SLC6A20: variants seen among roughly 807,000 people sequenced by gnomAD.
SLC6A20 encodes solute carrier family 6 member 20, also known as sodium- and chloride-dependent transporter XTRP3.
In SLC6A20, 73 loss-of-function variants were observed where a neutral mutation model predicts 64.3. The observed-to-expected ratio is 1.14, with a 90% confidence interval of 0.94 to 1.38. The LOEUF (loss-of-function observed/expected upper bound fraction) is 1.38, where lower values mean the gene tolerates loss of function less well. Among genes scored for constraint, SLC6A20 ranks in the 40% most tolerant of loss-of-function variants. The pLI is 0.00. For synonymous variants in SLC6A20, 347 were observed against 329.6 expected (o/e 1.05, Z -0.57); for missense variants, 725 against 772.8 (o/e 0.94, Z 0.73).
chr3:45,785,907 G>A (rs1046181988), intron 1 of SLC6A20, among the ~76,000 whole-genome samples: 4 of 152,096 alleles, frequency 2.6e-5, no homozygotes, highest in Admixed American at 1.3e-4. Flanking sequence ...CTTGGAGTGT[G>A]CCTGAGACAG....
At position 45,759,900 on chromosome 3, in the gene SLC6A20, A is replaced by G; in HGVS notation, c.1586T>C (p.Ile529Thr). Residue 529 changes from isoleucine to threonine, a missense_variant, in exon 10 of 11, where the codon ATC becomes ACC. Coordinates refer to ENST00000358525, the MANE Select transcript of SLC6A20 (RefSeq NM_020208.4). Reference protein sequence around the residue: ...SLFVFYLSDYILTGTLKYQAW... With the variant: ...SLFVFYLSDYTLTGTLKYQAW... ...TTGATACTTCAGGGTCCCCGTGAGG[A>G]TGTAGTCGCTCAGGTAGAAGACAAA... is the stretch of plus-strand genomic sequence containing the variant. 6.2e-7 allele frequency: 1 copy of G among 1,614,138 alleles called. No individual in the cohort carries two copies. Among genetic ancestry groups the G allele is most frequent in the Non-Finnish European group, 8.5e-7 (1 of 1,180,016 alleles).
At position 45,776,776 on chromosome 3, in the gene SLC6A20, C is replaced by T. The variant is rs1699975607; in HGVS notation, c.355-788G>A. On this transcript the variant is annotated intron_variant, in intron 3 of 10. Transcript: ENST00000358525. Reference sequence around the variant, plus strand: ...AGTGAGAACAAGCAGAGGCTGTTTACTTAGGACTTGCTACAGCAAGGGCGA... The same window carrying T: ...AGTGAGAACAAGCAGAGGCTGTTTATTTAGGACTTGCTACAGCAAGGGCGA... 2.0e-5 allele frequency among the ~76,000 whole-genome samples: 3 copies of T among 152,234 alleles called. 1 individual carries two copies. Among genetic ancestry groups the T allele is most frequent in the South Asian group, 4.1e-4 (2 of 4,832 alleles).
intron 3 of SLC6A20, among the ~76,000 whole-genome samples, chr3:45,778,035 C>T (rs992090458): frequency 2.0e-5 from 3 of 152,246 alleles, no homozygotes; most frequent in African/African-American, 7.2e-5. Flanking sequence ...TATAGGAGAA[C>T]TTGTTAAATG....
At chr3:45,782,261 A>G (rs200437712) in intron 1 of SLC6A20, 38 bp from the exon 2 acceptor site, 106 of 1,587,866 alleles carry the variant, frequency 6.7e-5, no homozygotes, top group Non-Finnish European at 8.8e-5. Context: ...GCCACCACCA[A>G]AAGGCTTTTC....
chr3:45,760,043 GAA>G (rs755062049), intron 9 of SLC6A20, 21 bp from the exon 10 acceptor site: 16 of 1,601,042 alleles, frequency 1.0e-5, no homozygotes, highest in Admixed American at 1.7e-5. Flanking sequence ...AACAGGGAGA[GAA>G]AGTCTGGATT....
intron 10 of SLC6A20, 92 bp downstream of exon 10, chr3:45,759,765 T>C: frequency 7.0e-7 from 1 of 1,435,772 alleles, no homozygotes; most frequent in Non-Finnish European, 9.4e-7. Flanking sequence ...ACCCACACCA[T>C]GGAAATAGTC....
Position 45,780,021 on chromosome 3 carries a change from G to A in SLC6A20, c.342C>T (p.Phe114=). ...CCCCCCGGCTCACCTGGAAGGAGTGGAAGAGGTACCAGAAGGCCCAGGCGT... is the reference window on the plus strand; with the variant it reads ...CCCCCCGGCTCACCTGGAAGGAGTGAAAGAGGTACCAGAAGGCCCAGGCGT... ...VINAWAFWYL[F]HSFQDPLPWS... is the part of the protein sequence containing the mutation. The change falls in exon 3 of 11, where the codon TTC becomes TTT. Residue 114 remains phenylalanine, a synonymous_variant. Coordinates refer to ENST00000358525, the MANE Select transcript of SLC6A20 (RefSeq NM_020208.4). The A allele has an allele frequency of 1.2e-6, 2 of 1,603,150 alleles. No individual in the cohort carries two copies. The highest frequency in any genetic ancestry group is 2.2e-5 in the East Asian group (1 of 44,516).
At chr3:45,776,447 G>A (rs1285452334) in intron 3 of SLC6A20, among the ~76,000 whole-genome samples, 1 of 152,144 alleles carries the variant, frequency 6.6e-6, no homozygotes, top group Non-Finnish European at 1.5e-5. Context: ...ACCAACCAGA[G>A]AAAGTGACAG....
rs943787137 is a variant in SLC6A20 at position 45,796,230 on chromosome 3, C to T, written c.121+69G>A. 12 of 1,545,454 alleles carry T rather than the reference C, an allele frequency of 7.8e-6. No homozygotes were observed. In the African/African-American group the frequency reaches 8.3e-5, roughly 11 times the overall value. On this transcript the variant is annotated intron_variant, in intron 1 of 10. Coordinates refer to ENST00000358525, the MANE Select transcript of SLC6A20 (RefSeq NM_020208.4). ...GTGCCGTTCTGTAACTTGGGTCTAA[C>T]CCCGGCTCGCACACACGGCGGGGAC... is the stretch of plus-strand genomic sequence containing the variant.
At chr3:45,776,099 G>C (rs1699963051) in intron 3 of SLC6A20, 111 bp from the exon 4 acceptor site, 1 of 1,014,850 alleles carries the variant, frequency 9.9e-7, no homozygotes, top group Admixed American at 2.1e-5. Flanking sequence ...GAAGGGTGCT[G>C]GTCCCCGAAG....
At chr3:45,782,939 T>C (rs1236276429) in intron 1 of SLC6A20, among the ~76,000 whole-genome samples, 2 of 152,244 alleles carry the variant, frequency 1.3e-5, no homozygotes, top group Admixed American at 1.3e-4. Context: ...CAGCAACTAA[T>C]AGTTGATCAG....
intron 3 of SLC6A20, among the ~76,000 whole-genome samples, chr3:45,777,350 T>C (rs752507780): frequency 2.0e-5 from 3 of 152,176 alleles, no homozygotes; most frequent in Non-Finnish European, 2.9e-5. Context: ...CCTAGCCTAT[T>C]GGAATGTGTG....
At chr3:45,777,035 A>G (rs1442687627) in intron 3 of SLC6A20, among the ~76,000 whole-genome samples, 1 of 152,182 alleles carries the variant, frequency 6.6e-6, no homozygotes, top group Non-Finnish European at 1.5e-5. Context: ...ACTGTGGGGT[A>G]GGAGACCCCA....
intron 7 of SLC6A20, among the ~76,000 whole-genome samples, chr3:45,768,215 T>A (rs1699805007): frequency 6.6e-6 from 1 of 152,146 alleles, no homozygotes. Flanking sequence ...AGATACTGTT[T>A]AACTTTAGAC....
chr3:45,794,978 T>C (rs929993365), intron 1 of SLC6A20, among the ~76,000 whole-genome samples: 1 of 152,206 alleles, frequency 6.6e-6, no homozygotes, highest in Non-Finnish European at 1.5e-5. Context: ...AATTAACCTT[T>C]TGTTGATTTG....
At chr3:45,791,791 C>T (rs965722841) in intron 1 of SLC6A20, 2 of 152,234 alleles carry the variant, frequency 1.3e-5, no homozygotes, top group Admixed American at 1.3e-4. Context: ...CCAGATCTCA[C>T]TGATAACTCA....
In SLC6A20 at chr3:45,765,547, C is replaced by A; in HGVS notation, c.1293G>T (p.Glu431Asp). Residue 431 changes from glutamate to aspartate, a missense_variant, in exon 8 of 11, where the codon GAG (glutamate) becomes GAT (aspartate). Glu to Asp is a conservative substitution (Grantham distance 45). Transcript: ENST00000358525. This position sits in a 1 kb window ranked among gnomAD's most constrained non-coding sequence, Gnocchi z 4.2. ...SKIISSHLPK[E>D]AISGLVCLVN... ...GCTGGCCCCGCTGACCTGAGATGGC[C>A]TCCTTGGGCAGGTGGCTGGAGATGA... The A allele has an allele frequency of 1.9e-6, 3 of 1,613,120 alleles. No individual in the cohort carries two copies. In the South Asian group the frequency reaches 3.3e-5, roughly 18 times the overall value.
At position 45,775,761 on chromosome 3, in the gene SLC6A20, C is replaced by T. The variant is rs773934057; in HGVS notation, c.582G>A (p.Lys194=). ...GGGCTTCTGTGCCTCACTGTCCCACCTTGCCAGTGGACTCGGTGCCACGCA... is the reference window on the plus strand; with the variant it reads ...GGGCTTCTGTGCCTCACTGTCCCACTTTGCCAGTGGACTCGGTGCCACGCA... ...CILRGTESTG[K]VVYFTASLPY... Residue 194 remains lysine (K), a splice_region_variant and synonymous_variant, in exon 4 of 11, where the codon AAG becomes AAA. Transcript: ENST00000358525. 1 of 1,613,130 alleles carries T rather than the reference C, an allele frequency of 6.2e-7. No individual in the cohort carries two copies. Among genetic ancestry groups the T allele is most frequent in the Non-Finnish European group, 8.5e-7 (1 of 1,179,730 alleles).
chr3:45,777,875 G>A (rs1272205089), intron 3 of SLC6A20, among the ~76,000 whole-genome samples: 9 of 152,160 alleles, frequency 5.9e-5, no homozygotes, highest in Admixed American at 2.6e-4. Context: ...GGCACCCGGG[G>A]GTGATGCCCA....
Sources: allele counts gnomAD v4.1 joint callset (sites outside exome capture counted in the v4.1 genomes callset), GRCh38; gene constraint gnomAD v4.1.1; non-coding constraint Gnocchi (gnomAD v3.1); transcripts MANE v1.5; gene names NCBI Gene and HGNC (gene_info 2026-07-23, HGNC 2026-07-21).